The following RHOXF1 variants were observed in gnomAD, a reference collection of about 807,000 sequenced individuals.
RHOXF1 encodes Rhox homeobox family member 1.
RHOXF1 carries 1 observed loss-of-function variant against 9.7 expected under a neutral mutation model. The observed-to-expected ratio is 0.10, with a 90% CI of 0.04 to 0.49. The LOEUF is 0.49. RHOXF1 is among the 20% of genes least tolerant of loss of function. The pLI, the probability that RHOXF1 is intolerant of heterozygous loss-of-function variation, is 0.95. For synonymous variants in RHOXF1, 72 were observed against 70.2 expected (o/e 1.03, Z -0.13); for missense variants, 179 against 168.0 (o/e 1.07, Z -0.36).
intron 2 of RHOXF1, among the ~76,000 whole-genome samples, chrX:120,109,777 G>A (rs1430990365): frequency 9.1e-6 from 1 of 110,335 alleles, no homozygotes; most frequent in Non-Finnish European, 1.9e-5. Flanking sequence ...TAGAGACAGG[G>A]TCTCGCTATG....
At chrX:120,112,452 C>CATATATGTATTATATATAATACACAT (rs1275974751) in intron 2 of RHOXF1, among the ~76,000 whole-genome samples, 2 of 45,292 alleles carry the variant, frequency 4.4e-5, no homozygotes, top group Admixed American at 2.9e-4. Flanking sequence ...ATATAATACA[C>CATATATGTATTATATATAATACACAT]ATATGTATAA....
intron 2 of RHOXF1, 34 bp from the exon 3 acceptor site, chrX:120,109,336 A>G: frequency 4.6e-6 from 4 of 870,220 alleles, no homozygotes; most frequent in Non-Finnish European, 6.7e-6. Context: ...TTGGTTTAGT[A>G]TATTGAACAG....
intron 1 of RHOXF1, among the ~76,000 whole-genome samples, chrX:120,113,888 T>C (rs1376545715): frequency 9.2e-6 from 1 of 108,921 alleles, no homozygotes; most frequent in Non-Finnish European, 1.9e-5. Flanking sequence ...GCCCAGGAGT[T>C]TGAGACTAGC....
At chrX:120,115,415 G>T in intron 1 of RHOXF1, 50 bp downstream of exon 1, 1 of 1,021,308 alleles carries the variant, frequency 9.8e-7, no homozygotes, top group Non-Finnish European at 1.3e-6. Flanking sequence ...AGAAAAAGAT[G>T]CCTCGAAACG....
At chrX:120,109,556 TTTATTTATTTATTTA>T (rs1438294482) in intron 2 of RHOXF1, among the ~76,000 whole-genome samples, 24 of 107,247 alleles carry the variant, frequency 2.2e-4, no homozygotes, top group Non-Finnish European at 3.4e-4. Context: ...CTCCATTTTA[TTTATTTATTTATTTA>T]TTATTTATTT....
intron 2 of RHOXF1, among the ~76,000 whole-genome samples, chrX:120,110,936 C>A (rs1444968735): frequency 8.9e-6 from 1 of 111,956 alleles, no homozygotes; most frequent in African/African-American, 3.3e-5. Context: ...CTGGTCAAAT[C>A]TCTATAAACA....
chrX:120,116,911 A>G (rs1336363665), upstream of RHOXF1, among the ~76,000 whole-genome samples: 1 of 111,755 alleles, frequency 8.9e-6, no homozygotes, highest in Non-Finnish European at 1.9e-5. Flanking sequence ...AAATAAATAA[A>G]TAAAATCGGG....
upstream of RHOXF1, chrX:120,115,974 G>T: frequency 1.6e-6 from 1 of 642,065 alleles, no homozygotes; most frequent in Non-Finnish European, 2.1e-6. Context: ...CAGTTGCAAT[G>T]AGTGGGACTT....
upstream of RHOXF1, among the ~76,000 whole-genome samples, chrX:120,118,221 G>A (rs145828348): frequency 9.7e-4 from 108 of 111,831 alleles, no homozygotes; most frequent in Middle Eastern, 9.2e-3. Context: ...GACTTGCTTC[G>A]GATGTCTTAT....
chrX:120,119,549 CTA>C (rs2057308956), upstream of RHOXF1: 2 of 112,109 alleles, frequency 1.8e-5, no homozygotes, highest in African/African-American at 6.5e-5. Context: ...CCTAAGATGC[CTA>C]TGAGTGACTG....
Position 120,109,307 on chromosome X carries a change from A to C in RHOXF1, c.445-5T>G. The C allele has an allele frequency of 9.2e-7, 1 of 1,082,389 alleles. No individual in the cohort carries two copies. The highest frequency in any genetic ancestry group is 1.3e-6 in the Non-Finnish European group (1 of 782,574). 89.2% of individuals were successfully genotyped at this position (1,082,389 alleles called of 1,213,427 possible). A position where few individuals can be genotyped will look rare whatever the true frequency, so the allele number is the denominator to read the frequency against. ...CCTTTTATTCTTAAACCAAACCTAC[A>C]ATCAGAGGGAAAAGGGGATTGGTTT... On this transcript the variant is annotated splice_polypyrimidine_tract_variant and splice_region_variant and intron_variant, in intron 2 of 2. Transcript: ENST00000217999.
intron 2 of RHOXF1, 59 bp from the exon 3 acceptor site, chrX:120,109,361 G>A: frequency 1.5e-6 from 1 of 677,260 alleles, no homozygotes. Context: ...TGTCGTAATA[G>A]AAAAACACAG....
upstream of RHOXF1, among the ~76,000 whole-genome samples, chrX:120,116,961 A>G (rs952652882): frequency 6.3e-5 from 7 of 111,861 alleles, no homozygotes; most frequent in Non-Finnish European, 9.4e-5. Flanking sequence ...ATACCTGCCA[A>G]AAATCTCCAA....
At chrX:120,109,742 A>G (rs1555999547) in intron 2 of RHOXF1, among the ~76,000 whole-genome samples, 1 of 109,997 alleles carries the variant, frequency 9.1e-6, no homozygotes, top group African/African-American at 3.3e-5. Flanking sequence ...ACATGCCACT[A>G]TGCCCAGCTG....
chrX:120,112,036 C>T (rs1012423616), intron 2 of RHOXF1, among the ~76,000 whole-genome samples: 1 of 111,407 alleles, frequency 9.0e-6, no homozygotes, highest in African/African-American at 3.3e-5. Context: ...TACTGCTTTA[C>T]CAATAACTTA....
intron 2 of RHOXF1, 82 bp downstream of exon 2, chrX:120,112,787 A>ACAAAGCCTT (rs1231489713): frequency 1.5e-6 from 1 of 648,378 alleles, no homozygotes; most frequent in Admixed American, 2.5e-5. Flanking sequence ...AACGTTCAGG[A>ACAAAGCCTT]CAAAGCCTTC....
intron 2 of RHOXF1, 134 bp downstream of exon 2, chrX:120,112,733 ATT>A: frequency 4.9e-6 from 2 of 410,760 alleles, no homozygotes; most frequent in Admixed American, 3.8e-5. Context: ...TTCAAAACTT[ATT>A]TGTCAACATA....
chrX:120,115,549 G>A lies in RHOXF1; in HGVS notation c.314C>T (p.Thr105Ile), dbSNP rs782571468. The change falls in exon 1 of 3, where the codon ACT becomes ATT. Residue 105 changes from threonine (T) to isoleucine (I), a missense_variant. By Grantham distance (89) the Thr-to-Ile change is moderately conservative (BLOSUM62 -1). Transcript: ENST00000217999. ...CAACAGCGTGAACTTCGTGCGCCGA[G>A]TTCGTGGCTGCATGTTCTCGGGCTG... ...GPQPENMQPR[T>I]RRTKFTLLQV... 4.4e-6 allele frequency: 5 copies of A among 1,140,584 alleles called. No homozygotes were observed. Among genetic ancestry groups the A allele is most frequent in the Non-Finnish European group, 5.8e-6 (5 of 862,166 alleles). The allele number at this position is 1,140,584 out of a possible 1,213,427, so 94.0% of individuals were successfully genotyped here.
upstream of RHOXF1, among the ~76,000 whole-genome samples, chrX:120,117,140 C>T (rs782337771): frequency 7.8e-4 from 87 of 111,117 alleles, no homozygotes; most frequent in Admixed American, 2.0e-3. Context: ...GCACTAGTCC[C>T]AGCTACTCAG....
Sources: allele counts gnomAD v4.1 joint callset (sites outside exome capture counted in the v4.1 genomes callset), GRCh38; gene constraint gnomAD v4.1.1; transcripts MANE v1.5; gene names NCBI Gene and HGNC (gene_info 2026-07-23, HGNC 2026-07-21).